The following FSTL5 variants were observed in gnomAD, a reference collection of about 807,000 sequenced individuals.
The protein encoded by FSTL5 is follistatin like 5.
Under a neutral mutation model 89.1 loss-of-function variants are expected in FSTL5, and 62 were observed. That is an observed-to-expected ratio of 0.70 (90% confidence interval 0.57 to 0.86). FSTL5 has a LOEUF of 0.86. FSTL5 is among the 40% of genes least tolerant of loss of function. FSTL5 has a pLI of 0.00. For missense variants in FSTL5, 1,057 were observed against 1,001.6 expected (o/e 1.06, Z -0.75); for synonymous variants, 383 against 346.2 (o/e 1.11, Z -1.18).
chr4:161,810,589 T>C (rs1478797190), intron 4 of FSTL5, among the ~76,000 whole-genome samples: 1 of 152,168 alleles, frequency 6.6e-6, no homozygotes, highest in Non-Finnish European at 1.5e-5. Flanking sequence ...AAAGCTAGGT[T>C]ATGCAGCTGG....
Position 161,818,423 on chromosome 4 carries a change from G to A in FSTL5, c.410-42349C>T, listed in dbSNP as rs11725669. On this transcript the variant is annotated intron_variant, in intron 4 of 15. Transcript: ENST00000306100. ...AGAAAGTCCTCTGTCCTTGAGACAAGGTAGAGGTTCTAATTCAGCTGGTCA... is the reference window on the plus strand; with the variant it reads ...AGAAAGTCCTCTGTCCTTGAGACAAAGTAGAGGTTCTAATTCAGCTGGTCA... Among the ~76,000 whole-genome samples, 329 of 152,334 alleles carry A rather than the reference G, an allele frequency of 2.2e-3. 2 individuals carry two copies. The highest frequency in any genetic ancestry group is 0.014 in the Middle Eastern group (4 of 294).
chr4:161,671,623 TAG>T (rs1381043817), intron 6 of FSTL5, among the ~76,000 whole-genome samples: 3 of 152,136 alleles, frequency 2.0e-5, no homozygotes, highest in Admixed American at 6.6e-5. Context: ...CTAAGATAAT[TAG>T]AGAGTGCATG....
chr4:162,134,731 A>T (rs1359525141), intron 1 of FSTL5, among the ~76,000 whole-genome samples: 1 of 152,190 alleles, frequency 6.6e-6, no homozygotes, highest in Non-Finnish European at 1.5e-5. Flanking sequence ...ATAGAATGGA[A>T]TCATGGCTGC....
At chr4:161,739,370 C>T (rs1024048258) in intron 6 of FSTL5, among the ~76,000 whole-genome samples, 1 of 152,080 alleles carries the variant, frequency 6.6e-6, no homozygotes, top group Non-Finnish European at 1.5e-5. Context: ...CAGAAGGAAC[C>T]CACCTTTATT....
intron 3 of FSTL5, among the ~76,000 whole-genome samples, chr4:161,942,163 G>A (rs1734606811): frequency 6.6e-6 from 1 of 151,704 alleles, no homozygotes; most frequent in Non-Finnish European, 1.5e-5. Context: ...AGCTGTAAAT[G>A]CCTACATTAA....
At chr4:161,838,018 G>C (rs914124532) in intron 4 of FSTL5, among the ~76,000 whole-genome samples, 12 of 151,982 alleles carry the variant, frequency 7.9e-5, no homozygotes, top group African/African-American at 2.9e-4. Context: ...ATTATTTTAT[G>C]GTTCTATGTA....
At chr4:161,639,272 G>T (rs1228921003) in intron 7 of FSTL5, among the ~76,000 whole-genome samples, 1 of 152,082 alleles carries the variant, frequency 6.6e-6, no homozygotes, top group Non-Finnish European at 1.5e-5. Flanking sequence ...TAATTAAAGG[G>T]TAATGAAAAG....
intron 2 of FSTL5, among the ~76,000 whole-genome samples, chr4:162,072,419 G>T (rs954055925): frequency 2.0e-5 from 3 of 151,718 alleles, no homozygotes; most frequent in African/African-American, 7.2e-5. Context: ...AGATAACAAG[G>T]TTCTGAAATC....
At position 162,112,436 on chromosome 4, in the gene FSTL5, G is replaced by T. The variant is rs574055200; in HGVS notation, c.-16-1024C>A. ...GTTTTATTTTTACTTTTCAGAGACA[G>T]GTTCTCACTATCTTGTCCAGGCTAG... On this transcript the variant is annotated intron_variant, in intron 1 of 15. Coordinates refer to ENST00000306100, the MANE Select transcript of FSTL5 (RefSeq NM_020116.5). Among the ~76,000 whole-genome samples the T allele has an allele frequency of 9.9e-5, 15 of 152,200 alleles. No individual in the cohort carries two copies. The South Asian group carries it at 2.9e-3, about 29-fold the overall frequency.
intron 3 of FSTL5, among the ~76,000 whole-genome samples, chr4:161,966,105 C>T (rs1381972515): frequency 1.3e-5 from 2 of 151,944 alleles, no homozygotes; most frequent in Non-Finnish European, 2.9e-5. Flanking sequence ...GCAATGAAGT[C>T]GTATGGTAAG....
chr4:161,515,991 C>T (rs1000500588), intron 10 of FSTL5, among the ~76,000 whole-genome samples: 1 of 151,736 alleles, frequency 6.6e-6, no homozygotes, highest in East Asian at 1.9e-4. Context: ...TCATTTCAAA[C>T]ACTTCAGGTG....
chr4:161,963,698 A>G (rs1735243892), intron 3 of FSTL5, among the ~76,000 whole-genome samples: 1 of 151,982 alleles, frequency 6.6e-6, no homozygotes, highest in Non-Finnish European at 1.5e-5. Flanking sequence ...AAGTTTGCCC[A>G]ACTATTACTG....
At chr4:161,743,420 C>T (rs1279458335) in intron 6 of FSTL5, among the ~76,000 whole-genome samples, 4 of 152,012 alleles carry the variant, frequency 2.6e-5, no homozygotes, top group Non-Finnish European at 4.4e-5. Context: ...GTTTTAGTGC[C>T]AGTACCATAC....
intron 2 of FSTL5, among the ~76,000 whole-genome samples, chr4:162,089,866 T>C (rs1241229248): frequency 1.3e-5 from 2 of 152,136 alleles, no homozygotes; most frequent in Admixed American, 1.3e-4. Context: ...AAAATGTTAT[T>C]AAACTTTAAG....
intron 7 of FSTL5, among the ~76,000 whole-genome samples, chr4:161,607,761 A>G (rs941047128): frequency 1.1e-4 from 17 of 152,184 alleles, no homozygotes; most frequent in African/African-American, 3.6e-4. Flanking sequence ...AGTTCAATGT[A>G]TGCTTATGTC....
intron 6 of FSTL5, among the ~76,000 whole-genome samples, chr4:161,709,625 A>G (rs1738706414): frequency 6.6e-6 from 1 of 151,992 alleles, no homozygotes; most frequent in Admixed American, 6.6e-5. Context: ...ACATAGTGAC[A>G]CATCTCTACA....
chr4:161,742,883 A>T (rs978612459), intron 6 of FSTL5, among the ~76,000 whole-genome samples: 2 of 152,160 alleles, frequency 1.3e-5, no homozygotes, highest in Non-Finnish European at 2.9e-5. Flanking sequence ...GAATATATTG[A>T]TGTATCTTTA....
chr4:161,827,029 A>T (rs1160957968), intron 4 of FSTL5, among the ~76,000 whole-genome samples: 1 of 151,886 alleles, frequency 6.6e-6, no homozygotes, highest in Non-Finnish European at 1.5e-5. Flanking sequence ...TATTTCAAGG[A>T]TTTGTTTCAA....
At chr4:161,995,677 T>C (rs1214809761) in intron 3 of FSTL5, among the ~76,000 whole-genome samples, 1 of 152,134 alleles carries the variant, frequency 6.6e-6, no homozygotes, top group East Asian at 1.9e-4. Flanking sequence ...GGTCACTAAG[T>C]TGTTAATTAA....
Sources: gnomAD v4.1 joint callset for allele counts (sites outside exome capture counted in the v4.1 genomes callset) on GRCh38, gnomAD v4.1.1 for gene constraint, MANE v1.5 for transcripts, NCBI Gene and HGNC (gene_info 2026-07-23, HGNC 2026-07-21) for gene names.